ADAMTS17: variants seen among roughly 807,000 people sequenced by gnomAD.
ADAMTS17 encodes the protein A disintegrin and metalloproteinase with thrombospondin motifs 17.
ADAMTS17 carries 113 observed loss-of-function variants against 141.5 expected under a neutral mutation model. The observed-to-expected ratio is 0.80, with a 90% confidence interval of 0.69 to 0.93. The LOEUF is 0.93. Among genes scored for constraint, ADAMTS17 ranks in the 40% least tolerant of loss-of-function variants. The probability of loss-of-function intolerance (pLI) is 0.00; values close to 1 mark genes in which losing one functional copy is unlikely to be tolerated. For missense variants in ADAMTS17, 1,659 were observed against 1,517.9 expected (o/e 1.09, Z -1.54); for synonymous variants, 768 against 630.6 (o/e 1.22, Z -3.27).
chr15:100,227,338 T>TGCAGGAAACAC (rs2042342127), intron 7 of ADAMTS17, among the ~76,000 whole-genome samples: 2 of 19,610 alleles, frequency 1.0e-4, no homozygotes, highest in Non-Finnish European at 2.0e-4. Flanking sequence ...CCCACCCACA[T>TGCAGGAAACAC]CAGAAATCCT....
chr15:100,143,430 G>A (rs573957605), intron 10 of ADAMTS17, among the ~76,000 whole-genome samples: 1 of 152,288 alleles, frequency 6.6e-6, no homozygotes, highest in Admixed American at 6.5e-5. Flanking sequence ...TGGGCTAATT[G>A]CATAAAGTTT....
intron 8 of ADAMTS17, among the ~76,000 whole-genome samples, chr15:100,172,182 G>A (rs1406824490): frequency 6.6e-6 from 1 of 152,182 alleles, no homozygotes; most frequent in Non-Finnish European, 1.5e-5. Flanking sequence ...AAGTGTGGCT[G>A]CACAGTGGAA....
intron 10 of ADAMTS17, among the ~76,000 whole-genome samples, chr15:100,135,077 G>A (rs1423856087): frequency 6.6e-6 from 1 of 152,160 alleles, no homozygotes; most frequent in Non-Finnish European, 1.5e-5. Context: ...GTTGGGATTA[G>A]GAGAAATGAC....
At chr15:100,070,069 AC>A (rs1174361953) in intron 15 of ADAMTS17, among the ~76,000 whole-genome samples, 1 of 150,256 alleles carries the variant, frequency 6.7e-6, no homozygotes, top group Non-Finnish European at 1.5e-5. Flanking sequence ...CAAATGGAAA[AC>A]AAAAAAAGGC....
intron 14 of ADAMTS17, among the ~76,000 whole-genome samples, chr15:100,098,284 C>T (rs1347978709): frequency 1.3e-5 from 2 of 151,596 alleles, no homozygotes; most frequent in Non-Finnish European, 2.9e-5. Context: ...GAGCCTGGAG[C>T]GCAGTGCAGG....
At chr15:100,248,160 C>T (rs141287514) in intron 7 of ADAMTS17, among the ~76,000 whole-genome samples, 36 of 152,306 alleles carry the variant, frequency 2.4e-4, no homozygotes, top group African/African-American at 8.4e-4. Flanking sequence ...CCACTTCCTC[C>T]TGTAGGATCA....
chr15:100,254,199 T>C lies in ADAMTS17; in HGVS notation c.1032-20A>G. 6.2e-7 allele frequency: 1 copy of C among 1,610,438 alleles called. No homozygotes were observed. The highest frequency in any genetic ancestry group is 1.1e-5 in the South Asian group (1 of 90,958). On this transcript the variant is annotated intron_variant, in intron 6 of 21. Transcript: ENST00000268070. Reference sequence around the variant, plus strand: ...TCTGTCCTAAAAAATAAAAAAGCCATCATCAGGTATATGCAGTATCCCCAA... The same window carrying C: ...TCTGTCCTAAAAAATAAAAAAGCCACCATCAGGTATATGCAGTATCCCCAA...
chr15:100,232,796 C>T (rs574145764), intron 7 of ADAMTS17, among the ~76,000 whole-genome samples: 3 of 152,196 alleles, frequency 2.0e-5, no homozygotes, highest in Non-Finnish European at 2.9e-5. Context: ...GTTCTTCACA[C>T]TGACACCATG....
At chr15:100,208,252 C>G (rs983809036) in intron 7 of ADAMTS17, among the ~76,000 whole-genome samples, 3 of 152,228 alleles carry the variant, frequency 2.0e-5, no homozygotes, top group Non-Finnish European at 2.9e-5. Flanking sequence ...CGGCAACAGG[C>G]ATTCCGGGTG....
At position 100,324,877 on chromosome 15, in the gene ADAMTS17, A is replaced by G. The variant is rs145690542; in HGVS notation, c.616+6012T>C. Reference sequence around the variant, plus strand: ...CTCATTTAATACTCACAAAAGCCCTAAGAGGTAGATGACATTACAAGGAAA... The same window carrying G: ...CTCATTTAATACTCACAAAAGCCCTGAGAGGTAGATGACATTACAAGGAAA... On this transcript the variant is annotated intron_variant, in intron 3 of 21. Coordinates refer to ENST00000268070, the MANE Select transcript of ADAMTS17 (RefSeq NM_139057.4). Among the ~76,000 whole-genome samples the G allele has an allele frequency of 6.9e-3, 1,054 of 152,316 alleles. 15 individuals carry two copies. The highest frequency in any genetic ancestry group is 0.024 in the African/African-American group (995 of 41,560).
At chr15:100,264,735 C>CGCCT (rs1314136997) in intron 4 of ADAMTS17, among the ~76,000 whole-genome samples, 1 of 151,962 alleles carries the variant, frequency 6.6e-6, no homozygotes, top group African/African-American at 2.4e-5. Context: ...AAAGCTCAGT[C>CGCCT]GCCTCCCTTG....
intron 15 of ADAMTS17, among the ~76,000 whole-genome samples, chr15:100,058,842 T>C (rs1596318649): frequency 6.6e-6 from 1 of 152,188 alleles, no homozygotes; most frequent in African/African-American, 2.4e-5. Flanking sequence ...GGTCAAGGAA[T>C]TGTGGGATAG....
intron 7 of ADAMTS17, among the ~76,000 whole-genome samples, chr15:100,200,264 C>T (rs1198816529): frequency 6.6e-6 from 1 of 152,202 alleles, no homozygotes; most frequent in Non-Finnish European, 1.5e-5. Flanking sequence ...AGGCCAGCCA[C>T]TGCAGGAGGG....
At chr15:100,222,884 C>T (rs1325224127) in intron 7 of ADAMTS17, among the ~76,000 whole-genome samples, 3 of 152,198 alleles carry the variant, frequency 2.0e-5, no homozygotes, top group African/African-American at 7.2e-5. Flanking sequence ...AGGCACCCTT[C>T]CAATGGTCTT....
intron 20 of ADAMTS17, among the ~76,000 whole-genome samples, chr15:99,988,292 G>T (rs550282694): frequency 1.3e-5 from 2 of 152,150 alleles, no homozygotes; most frequent in East Asian, 3.9e-4. Context: ...GTGGGTTCTT[G>T]CTCTGTTAGT....
At chr15:100,011,401 A>G (rs1400464132) in intron 18 of ADAMTS17, among the ~76,000 whole-genome samples, 1 of 76,564 alleles carries the variant, frequency 1.3e-5, no homozygotes, top group East Asian at 3.9e-4. Context: ...GGAGGGAAGG[A>G]AGGAGGAAAG....
intron 3 of ADAMTS17, among the ~76,000 whole-genome samples, chr15:100,296,616 T>TGTGTGTGTGC (rs1567503936): frequency 6.6e-6 from 1 of 152,184 alleles, no homozygotes; most frequent in South Asian, 2.1e-4. Context: ...TGTGTGTGTG[T>TGTGTGTGTGC]GCGCATGCAC....
intron 8 of ADAMTS17, among the ~76,000 whole-genome samples, chr15:100,196,743 A>G (rs994348939): frequency 2.0e-5 from 3 of 152,204 alleles, no homozygotes; most frequent in African/African-American, 7.2e-5. Flanking sequence ...CTTTGCTGAG[A>G]GTGCAGGTTG....
At chr15:100,149,811 T>G (rs2039079058) in intron 10 of ADAMTS17, among the ~76,000 whole-genome samples, 1 of 152,232 alleles carries the variant, frequency 6.6e-6, no homozygotes, top group South Asian at 2.1e-4. Context: ...ATTCTTTCAG[T>G]GCTAGTTCTT....
Sources: gnomAD v4.1 joint callset for allele counts (sites outside exome capture counted in the v4.1 genomes callset) on GRCh38, gnomAD v4.1.1 for gene constraint, MANE v1.5 for transcripts, NCBI Gene and HGNC (gene_info 2026-07-23, HGNC 2026-07-21) for gene names.